Variants in GALNT13 observed in about 807,000 individuals in gnomAD.
The protein encoded by GALNT13 is UDP-GalNAc:polypeptide N-acetylgalactosaminyltransferase 13.
In GALNT13, 28 loss-of-function variants were observed where a neutral mutation model predicts 64.2. The ratio of observed to expected loss-of-function variants is 0.44; its 90% CI spans 0.32 to 0.60. The LOEUF (loss-of-function observed/expected upper bound fraction) is 0.60, where lower values mean the gene tolerates loss of function less well. Among genes scored for constraint, GALNT13 ranks in the 20% least tolerant of loss-of-function variants. The probability of loss-of-function intolerance (pLI) is 0.05; values close to 1 mark genes in which losing one functional copy is unlikely to be tolerated. For missense variants in GALNT13, 577 were observed against 669.8 expected, an observed-to-expected ratio of 0.86 and a Z score of 1.53; for synonymous variants, 214 against 224.6, an observed-to-expected ratio of 0.95 and a Z score of 0.42.
chr2:153,226,959 T>TG, the GALNT13 span, among the ~76,000 whole-genome samples: 1 of 152,218 alleles, frequency 6.6e-6, no homozygotes, highest in African/African-American at 2.4e-5. Flanking sequence ...CACTTCATCC[T>TG]CTAAAACAGG....
chr2:154,215,911 G>A (rs1423110601), intron 4 of GALNT13, among the ~76,000 whole-genome samples: 2 of 151,934 alleles, frequency 1.3e-5, no homozygotes, highest in Non-Finnish European at 1.5e-5. Flanking sequence ...AGGCATCAGA[G>A]TCTCAAGTTT....
chr2:153,719,602 G>T, the GALNT13 span, among the ~76,000 whole-genome samples: 1 of 152,114 alleles, frequency 6.6e-6, no homozygotes, highest in African/African-American at 2.4e-5. Flanking sequence ...CAGTGGGTGC[G>T]CGCACCGTGC....
At chr2:153,281,878 G>T in the GALNT13 span, among the ~76,000 whole-genome samples, 1 of 149,210 alleles carries the variant, frequency 6.7e-6, no homozygotes, top group Non-Finnish European at 1.5e-5. Context: ...ATGTTTTGGT[G>T]ATCTTCATTT....
At chr2:153,899,830 T>A (rs1404476297) in intron 1 of GALNT13, among the ~76,000 whole-genome samples, 1 of 151,716 alleles carries the variant, frequency 6.6e-6, no homozygotes, top group Non-Finnish European at 1.5e-5. Flanking sequence ...AGATGTTTGG[T>A]ACTTAAGGGG....
At chr2:153,828,093 G>A in the GALNT13 span, among the ~76,000 whole-genome samples, 194 of 152,328 alleles carry the variant, frequency 1.3e-3, no homozygotes, top group Non-Finnish European at 2.2e-3. Flanking sequence ...CACTGCTGTC[G>A]CTTTGCAGGG....
At chr2:154,359,086 A>G (rs1166147575) in intron 9 of GALNT13, among the ~76,000 whole-genome samples, 1 of 152,112 alleles carries the variant, frequency 6.6e-6, no homozygotes, top group Non-Finnish European at 1.5e-5. Context: ...AATCAGAACT[A>G]CAAGGTATTT....
chr2:153,096,414 G>T, the GALNT13 span, among the ~76,000 whole-genome samples: 1 of 152,112 alleles, frequency 6.6e-6, no homozygotes, highest in Admixed American at 6.6e-5. Flanking sequence ...AGCCCTGATA[G>T]TTCTTTGATT....
the GALNT13 span, among the ~76,000 whole-genome samples, chr2:153,282,354 C>T: frequency 6.6e-6 from 1 of 152,242 alleles, no homozygotes; most frequent in Non-Finnish European, 1.5e-5. Flanking sequence ...CCATGCTTTG[C>T]TTCCTTTATC....
At chr2:154,234,640 G>C (rs1689095359) in intron 4 of GALNT13, among the ~76,000 whole-genome samples, 1 of 152,054 alleles carries the variant, frequency 6.6e-6, no homozygotes, top group Non-Finnish European at 1.5e-5. Flanking sequence ...ATCAATTGAA[G>C]ATATGAAAAA....
the GALNT13 span, among the ~76,000 whole-genome samples, chr2:153,416,839 C>T: frequency 5.9e-5 from 9 of 152,138 alleles, no homozygotes; most frequent in African/African-American, 2.2e-4. Context: ...AGACAATTAA[C>T]AATTAAAATA....
chr2:154,196,488 C>T (rs1213164134), intron 4 of GALNT13, among the ~76,000 whole-genome samples: 3 of 151,978 alleles, frequency 2.0e-5, no homozygotes, highest in African/African-American at 7.3e-5. Context: ...ACCAAAGACA[C>T]AGAGAAGTGA....
chr2:153,993,056 G>A lies in GALNT13; in HGVS notation c.142+48417G>A, dbSNP rs1227251362. ...ATTTGATTAGGAAAGGTTAGTTCAA[G>A]CTGTTCTTTATGAAGGAATATTAAT... On this transcript the variant is annotated intron_variant, in intron 3 of 12. Coordinates refer to ENST00000392825, the MANE Select transcript of GALNT13 (RefSeq NM_052917.4). Among the ~76,000 whole-genome samples, 9 of 152,192 alleles carry A rather than the reference G, an allele frequency of 5.9e-5. 1 individual carries two copies. The East Asian group carries it at 1.2e-3, about 20-fold the overall frequency.
intron 2 of GALNT13, among the ~76,000 whole-genome samples, chr2:153,923,942 G>C (rs1574125295): frequency 3.9e-5 from 6 of 151,960 alleles, no homozygotes; most frequent in Admixed American, 3.9e-4. Flanking sequence ...GCCTATCATT[G>C]ATGGACATTT....
intron 8 of GALNT13, among the ~76,000 whole-genome samples, chr2:154,265,960 T>C (rs1690972375): frequency 6.6e-6 from 1 of 152,196 alleles, no homozygotes; most frequent in Non-Finnish European, 1.5e-5. Context: ...TGGTTTAGCA[T>C]TCAAAAATCC....
At chr2:153,912,468 AAAG>A (rs1219265456) in intron 2 of GALNT13, among the ~76,000 whole-genome samples, 1 of 152,208 alleles carries the variant, frequency 6.6e-6, no homozygotes, top group African/African-American at 2.4e-5. Flanking sequence ...CATTTGGAGA[AAAG>A]AAGACACTCT....
chr2:154,169,973 G>C (rs182115723), intron 4 of GALNT13, among the ~76,000 whole-genome samples: 11 of 152,224 alleles, frequency 7.2e-5, no homozygotes, highest in African/African-American at 1.2e-4. Flanking sequence ...AGAAACTTCA[G>C]CTGAATTTCA....
chr2:153,728,707 C>T, the GALNT13 span, among the ~76,000 whole-genome samples: 1 of 151,994 alleles, frequency 6.6e-6, no homozygotes, highest in East Asian at 1.9e-4. Flanking sequence ...AATCCAGGAG[C>T]TGGTGTTTTG....
At chr2:154,275,011 G>A (rs1242906384) in intron 8 of GALNT13, among the ~76,000 whole-genome samples, 1 of 152,180 alleles carries the variant, frequency 6.6e-6, no homozygotes, top group Admixed American at 6.5e-5. Context: ...GCTATGCAAA[G>A]AGAGTGGCAG....
At chr2:153,189,237 T>C in the GALNT13 span, among the ~76,000 whole-genome samples, 1 of 152,146 alleles carries the variant, frequency 6.6e-6, no homozygotes, top group African/African-American at 2.4e-5. Context: ...AACCCACACC[T>C]TTCCCAGCAT....
Sources: gnomAD v4.1 joint callset for allele counts (sites outside exome capture counted in the v4.1 genomes callset) on GRCh38, gnomAD v4.1.1 for gene constraint, MANE v1.5 for transcripts, NCBI Gene and HGNC (gene_info 2026-07-23, HGNC 2026-07-21) for gene names.